The following SALL3 variants were observed in gnomAD, a reference collection of about 807,000 sequenced individuals.
SALL3 encodes the protein spalt like transcription factor 3.
Under a neutral mutation model 66.2 loss-of-function variants are expected in SALL3, and 25 were observed. The ratio of observed to expected loss-of-function variants is 0.38; its 90% CI spans 0.28 to 0.53. SALL3 has a LOEUF of 0.53. SALL3 is among the 20% of genes least tolerant of loss of function. The pLI, the probability that SALL3 is intolerant of heterozygous loss-of-function variation, is 0.85. For missense variants in SALL3, 2,194 were observed against 1,916.5 expected (o/e 1.14, Z -2.70); for synonymous variants, 1,152 against 899.1 (o/e 1.28, Z -5.03).
chr18:78,988,744 G>T (rs1008777139), intron 1 of SALL3, among the ~76,000 whole-genome samples: 1 of 152,192 alleles, frequency 6.6e-6, no homozygotes, highest in Admixed American at 6.5e-5. Context: ...CACAGTCACA[G>T]CTGGGGCACG....
intron 1 of SALL3, among the ~76,000 whole-genome samples, chr18:78,988,042 A>G (rs1397474836): frequency 6.6e-6 from 1 of 152,238 alleles, no homozygotes; most frequent in African/African-American, 2.4e-5. Flanking sequence ...TCACTGTTGT[A>G]CTGTTGTTAC....
Position 78,992,561 on chromosome 18 carries a change from C to A in SALL3, c.570C>A (p.Gly190=). 6.7e-7 allele frequency: 1 copy of A among 1,503,538 alleles called. No homozygotes were observed. The highest frequency in any genetic ancestry group is 8.8e-7 in the Non-Finnish European group (1 of 1,134,258). The allele number at this position is 1,503,538 out of a possible 1,614,324, so 93.1% of individuals were successfully genotyped here. A position where few individuals can be genotyped will look rare whatever the true frequency, so the allele number is the denominator to read the frequency against. The change falls in exon 2 of 3, where the codon GGC becomes GGA. Residue 190 remains glycine, a synonymous_variant. Coordinates refer to ENST00000537592, the MANE Select transcript of SALL3 (RefSeq NM_171999.4). ...QFSQGARAAG[G]SGAGGGVAAA... is the part of the protein sequence containing the mutation. ...CGCAGGGCGCGCGCGCGGCAGGCGGCTCGGGAGCAGGTGGAGGCGTGGCAG... is the reference window on the plus strand; with the variant it reads ...CGCAGGGCGCGCGCGCGGCAGGCGGATCGGGAGCAGGTGGAGGCGTGGCAG...
chr18:78,992,805 GCCGCCGCCATCGCGGGCTCGGGCC>G lies in SALL3; in HGVS notation c.823_846del (p.Ile275_Ala282del). 1.0e-6 allele frequency: 1 copy of G among 981,322 alleles called. No individual in the cohort carries two copies. The highest frequency in any genetic ancestry group is 1.2e-6 in the Non-Finnish European group (1 of 829,140). 60.8% of individuals were successfully genotyped at this position (981,322 alleles called of 1,614,324 possible). ...GCTCCCGCTGTCGGCCGGGGCCCCT[GCCGCCGCCATCGCGGGCTCGGGCC>G]CCGCCGCCCCGGCCGCCTTCGAGGG... On this transcript the variant is annotated inframe_deletion, in exon 2 of 3. Coordinates refer to ENST00000537592, the MANE Select transcript of SALL3 (RefSeq NM_171999.4).
rs1450253071 is a variant in SALL3 at position 78,979,871 on chromosome 18, G to A, written c.-404G>A. Among the ~76,000 whole-genome samples, 1 of 144,962 alleles carries A rather than the reference G, an allele frequency of 6.9e-6. No individual in the cohort carries two copies. Among genetic ancestry groups the A allele is most frequent in the Non-Finnish European group, 1.5e-5 (1 of 65,318 alleles). On this transcript the variant is annotated 5_prime_UTR_variant, in exon 1 of 3. Transcript: ENST00000537592. ...AGTTTGCTGCCTGCGCCCTGCGGAG[G>A]GACGGCCACCGCGGCCCGCGCCGCA...
rs140388907 is a variant in SALL3 at position 78,997,333 on chromosome 18, G to A, written c.*11G>A. ...ATTGGTATCAACTAGCCAGTGACTC[G>A]CTCATCTGCCCTGCCCAGGCCCACG... On this transcript the variant is annotated 3_prime_UTR_variant, in exon 3 of 3. Transcript: ENST00000537592. 1.2e-4 allele frequency: 196 copies of A among 1,608,236 alleles called. No homozygotes were observed. In the African/African-American group the frequency reaches 1.4e-3, roughly 11 times the overall value.
chr18:78,980,727 G>GGCCTCGACGACCCCGGGGCGAGC (rs575162746), intron 1 of SALL3, among the ~76,000 whole-genome samples: 1 of 151,776 alleles, frequency 6.6e-6, no homozygotes, highest in East Asian at 2.0e-4. Context: ...CGCTGAGGCC[G>GGCCTCGACGACCCCGGGGCGAGC]GCGGCGGCGG....
At chr18:78,983,526 T>TC (rs1914143981) in intron 1 of SALL3, among the ~76,000 whole-genome samples, 1 of 152,282 alleles carries the variant, frequency 6.6e-6, no homozygotes, top group African/African-American at 2.4e-5. Flanking sequence ...TGTTTTTTTT[T>TC]CTGCCAACTT....
rs775603354 is a variant in SALL3, at chr18:78,993,044, G to C, written c.1053G>C (p.Leu351=). ...CGCCTGCCCTGGCCCCGGGGTCCCTGCTGGGTGCGGCGCCCGGCCTGCCAA... is the reference window on the plus strand; with the variant it reads ...CGCCTGCCCTGGCCCCGGGGTCCCTCCTGGGTGCGGCGCCCGGCCTGCCAA... ...STPPALAPGS[L]LGAAPGLPSP... The change falls in exon 2 of 3, where the codon CTG becomes CTC. Residue 351 remains leucine, a synonymous_variant. Transcript: ENST00000537592. The C allele has an allele frequency of 1.1e-4, 181 of 1,580,506 alleles. No homozygotes were observed. The highest frequency in any genetic ancestry group is 1.5e-4 in the Non-Finnish European group (173 of 1,170,206).
At position 78,992,976 on chromosome 18, in the gene SALL3, C is replaced by T. The variant is rs1914517082; in HGVS notation, c.985C>T (p.Pro329Ser). The change falls in exon 2 of 3, where the codon CCG becomes TCG. Residue 329 changes from proline (P) to serine (S), a missense_variant. Pro to Ser is a moderately conservative substitution (Grantham distance 74, BLOSUM62 -1). Transcript: ENST00000537592. ...APAAPAPAPA[P>S]QSAASSQPQS... ...CGCTGCCCCCGCCCCGGCGCCAGCGCCGCAGAGCGCAGCCTCGTCGCAGCC... is the reference window on the plus strand; with the variant it reads ...CGCTGCCCCCGCCCCGGCGCCAGCGTCGCAGAGCGCAGCCTCGTCGCAGCC... The T allele has an allele frequency of 7.4e-7, 1 of 1,357,712 alleles. No individual in the cohort carries two copies. Among genetic ancestry groups the T allele is most frequent in the South Asian group, 1.7e-5 (1 of 58,184 alleles). 84.1% of individuals were successfully genotyped at this position (1,357,712 alleles called of 1,614,324 possible).
At chr18:78,984,512 TGGAA>T (rs1411432592) in intron 1 of SALL3, among the ~76,000 whole-genome samples, 1 of 152,202 alleles carries the variant, frequency 6.6e-6, no homozygotes, top group East Asian at 1.9e-4. Flanking sequence ...GTTTTAGTCT[TGGAA>T]GGACAGGTTT....
At position 78,987,540 on chromosome 18, in the gene SALL3, C is replaced by T. The variant is rs185603639; in HGVS notation, c.83-4534C>T. Reference sequence around the variant, plus strand: ...ACATGGTAATAGAGGCCCTGAAAATCTAGGTGTAAACAGCAGATATTGGGA... The same window carrying T: ...ACATGGTAATAGAGGCCCTGAAAATTTAGGTGTAAACAGCAGATATTGGGA... On this transcript the variant is annotated intron_variant, in intron 1 of 2. Transcript: ENST00000537592. Among the ~76,000 whole-genome samples, 813 of 152,122 alleles carry T rather than the reference C, an allele frequency of 5.3e-3. 11 individuals are homozygous for T. The highest frequency in any genetic ancestry group is 0.019 in the African/African-American group (771 of 41,478).
chr18:78,980,941 G>C (rs1446297102), intron 1 of SALL3, among the ~76,000 whole-genome samples: 1 of 152,226 alleles, frequency 6.6e-6, no homozygotes, highest in Non-Finnish European at 1.5e-5. Context: ...TGGCCGCCCG[G>C]GGAATTAAGC....
intron 1 of SALL3, among the ~76,000 whole-genome samples, chr18:78,987,545 T>G (rs1914288369): frequency 6.6e-6 from 1 of 152,084 alleles, no homozygotes; most frequent in South Asian, 2.1e-4. Context: ...AAAATCTAGG[T>G]GTAAACAGCA....
At chr18:78,983,496 G>T (rs1271433421) in intron 1 of SALL3, among the ~76,000 whole-genome samples, 1 of 152,132 alleles carries the variant, frequency 6.6e-6, no homozygotes, top group Non-Finnish European at 1.5e-5. Context: ...TTGTTTGTTA[G>T]CACTAATTGC....
Position 78,993,824 on chromosome 18 carries a change from T to C in SALL3, c.1833T>C (p.Ala611=). 7.1e-6 allele frequency: 11 copies of C among 1,553,110 alleles called. No individual in the cohort carries two copies. Among genetic ancestry groups the C allele is most frequent in the Non-Finnish European group, 9.5e-6 (11 of 1,152,608 alleles). The change falls in exon 2 of 3, where the codon GCT becomes GCC. Residue 611 remains alanine (A), a synonymous_variant. Transcript: ENST00000537592. ...GCACCAACGCCAGGGCCGGGGACGC[T>C]CCCGTGGGCGCGCAGGCTAGCGCTG... ...LPCTNARAGD[A]PVGAQASAAP...
In SALL3 at chr18:78,980,185, C is replaced by T. The variant is rs530360902; in HGVS notation, c.-90C>T. 1.3e-4 allele frequency: 59 copies of T among 441,132 alleles called. No individual in the cohort carries two copies. The East Asian group carries it at 7.6e-3, about 57-fold the overall frequency. The allele number at this position is 441,132 out of a possible 1,614,324, so 27.3% of individuals were successfully genotyped here. On this transcript the variant is annotated 5_prime_UTR_variant, in exon 1 of 3. Coordinates refer to ENST00000537592, the MANE Select transcript of SALL3 (RefSeq NM_171999.4). ...AGCCGCCGCCGCCCCGCGCCCCGCG[C>T]CGCGCGCCCGCCAGGCCGCCCCGCG...
Position 78,996,848 on chromosome 18 carries a change from T to G in SALL3, c.3472-43T>G, listed in dbSNP as rs749501629. On this transcript the variant is annotated intron_variant, in intron 2 of 2. Coordinates refer to ENST00000537592, the MANE Select transcript of SALL3 (RefSeq NM_171999.4). ...TGGAAGCGGAGCAGCTCTGCCTCCGTGTCTAGGCACTTACTCGTGGGCTGT... is the reference window on the plus strand; with the variant it reads ...TGGAAGCGGAGCAGCTCTGCCTCCGGGTCTAGGCACTTACTCGTGGGCTGT... The G allele has an allele frequency of 2.6e-6, 4 of 1,548,806 alleles. No homozygotes were observed. The South Asian group carries it at 4.9e-5, about 19-fold the overall frequency.
intron 1 of SALL3, among the ~76,000 whole-genome samples, chr18:78,980,678 T>TCCGCCG (rs1367395001): frequency 6.6e-6 from 1 of 150,500 alleles, no homozygotes; most frequent in African/African-American, 2.4e-5. Context: ...CCACGGTGCC[T>TCCGCCG]CCGCCGCCGC....
At chr18:78,990,502 T>C (rs952108936) in intron 1 of SALL3, among the ~76,000 whole-genome samples, 1 of 152,244 alleles carries the variant, frequency 6.6e-6, no homozygotes. Flanking sequence ...AGAGGAAAAG[T>C]ATGTTTTTAC....
Sources: gnomAD v4.1 joint callset for allele counts (sites outside exome capture counted in the v4.1 genomes callset) on GRCh38, gnomAD v4.1.1 for gene constraint, MANE v1.5 for transcripts, NCBI Gene and HGNC (gene_info 2026-07-23, HGNC 2026-07-21) for gene names.